Variants in ALOX15B observed in about 807,000 individuals in gnomAD.
The protein encoded by ALOX15B is arachidonate 15-lipoxygenase type B, also known as polyunsaturated fatty acid lipoxygenase ALOX15B.
In ALOX15B, 74 loss-of-function variants were observed where a neutral mutation model predicts 73.8. That is an observed-to-expected ratio of 1.00 (90% CI 0.83 to 1.22). The LOEUF (loss-of-function observed/expected upper bound fraction) is 1.22, where lower values mean the gene tolerates loss of function less well. ALOX15B is among the 50% of genes most tolerant of loss of function. The pLI is 0.00. For synonymous variants in ALOX15B, 353 were observed against 357.2 expected (o/e 0.99, Z 0.13); for missense variants, 896 against 859.9 (o/e 1.04, Z -0.52).
In ALOX15B at chr17:8,045,442, G is replaced by A. The variant is rs369032643; in HGVS notation, c.997-41G>A. 2.0e-4 allele frequency: 315 copies of A among 1,613,748 alleles called. 2 individuals are homozygous for A. The highest frequency in any genetic ancestry group is 8.9e-4 in the South Asian group (81 of 91,072). ...AGAAGAGTCAGGAGAATGGTTGGAA[G>A]ACACTCATGGCTGCCTCTCTCCCCA... On this transcript the variant is annotated intron_variant, in intron 7 of 13. Transcript: ENST00000380183.
chr17:8,048,011 A>G, intron 13 of ALOX15B, 96 bp downstream of exon 13: 1 of 1,418,838 alleles, frequency 7.0e-7, no homozygotes, highest in Non-Finnish European at 9.5e-7. Flanking sequence ...GCCATCAGGT[A>G]GCGGGTCCCT....
At chr17:8,042,253 T>C (rs1273428975) in intron 3 of ALOX15B, 116 bp from the exon 4 acceptor site, 3 of 1,335,820 alleles carry the variant, frequency 2.2e-6, no homozygotes, top group Admixed American at 4.9e-5. Context: ...GAGGGCCCTC[T>C]TGGCTGAAGG....
rs1976563424 is a variant in ALOX15B at position 8,044,903 on chromosome 17, ATCC to A, written c.752_754del (p.Ile251_Arg252delinsSer). On this transcript the variant is annotated inframe_deletion, in exon 6 of 14. Transcript: ENST00000380183. ...CCTGAATGGTCTCAACCCTGTCCTG[ATCC>A]GCCGCTGTCACTACCTCCCAAAGAA... is the stretch of plus-strand genomic sequence containing the variant. 1 of 1,613,450 alleles carries A rather than the reference ATCC, an allele frequency of 6.2e-7. No homozygotes were observed. The highest frequency in any genetic ancestry group is 8.5e-7 in the Non-Finnish European group (1 of 1,179,786).
rs746905991 is a variant in ALOX15B, at chr17:8,040,014, G to T, written c.449+31G>T. The T allele has an allele frequency of 2.5e-6, 4 of 1,601,896 alleles. No individual in the cohort carries two copies. The Admixed American group carries it at 6.8e-5, about 27-fold the overall frequency. On this transcript the variant is annotated intron_variant, in intron 3 of 13. Transcript: ENST00000380183. ...GAGGGGGTTACTGATGGGGGAGGGT[G>T]TGCCCAAACGATGAGGGGCAGCTTG... is the stretch of plus-strand genomic sequence containing the variant.
Position 8,045,463 on chromosome 17 carries a change from C to A in ALOX15B, c.997-20C>A, listed in dbSNP as rs751664484. 1 of 1,613,956 alleles carries A rather than the reference C, an allele frequency of 6.2e-7. No homozygotes were observed. Among genetic ancestry groups the A allele is most frequent in the East Asian group, 2.2e-5 (1 of 44,880 alleles). ...GGAAGACACTCATGGCTGCCTCTCT[C>A]CCCACCTGCCTCCCCCCAGCTCAGC... On this transcript the variant is annotated intron_variant, in intron 7 of 13. Transcript: ENST00000380183.
At position 8,040,096 on chromosome 17, in the gene ALOX15B, C is replaced by T. The variant is rs571347618; in HGVS notation, c.449+113C>T. The T allele has an allele frequency of 1.6e-5, 16 of 1,022,750 alleles. No homozygotes were observed. The African/African-American group carries it at 2.1e-4, about 13-fold the overall frequency. The allele number at this position is 1,022,750 out of a possible 1,614,324, so 63.4% of individuals were successfully genotyped here. A position where few individuals can be genotyped will look rare whatever the true frequency, so the allele number is the denominator to read the frequency against. On this transcript the variant is annotated intron_variant, in intron 3 of 13. Coordinates refer to ENST00000380183, the MANE Select transcript of ALOX15B (RefSeq NM_001141.3). ...CCTGCCTCCACCTCTCCTATCAAAG[C>T]TGCTCCTGGGATCAGCAGCGTCTAC...
At chr17:8,041,119 A>G in intron 3 of ALOX15B, among the ~76,000 whole-genome samples, 1 of 152,128 alleles carries the variant, frequency 6.6e-6, no homozygotes, top group East Asian at 1.9e-4. Flanking sequence ...CATTGCACCA[A>G]ATCTGGCAGC....
In ALOX15B at chr17:8,046,676, C is replaced by T. The variant is rs1405612665; in HGVS notation, c.1209C>T (p.Ile403=). The T allele has an allele frequency of 6.2e-6, 10 of 1,613,626 alleles. No homozygotes were observed. The Admixed American group carries it at 1.5e-4, about 24-fold the overall frequency. The part of the protein sequence containing the change: ...PHCHPLFKLL[I]PHTRYTLHIN... ...ATTTTCCTGCCATGCAGCTGCTGAT[C>T]CCGCACACCCGATACACCCTGCACA... Residue 403 remains isoleucine, a synonymous_variant, in exon 9 of 14, where the codon ATC becomes ATT. Transcript: ENST00000380183.
At chr17:8,046,220 C>T (rs966056018) in intron 8 of ALOX15B, among the ~76,000 whole-genome samples, 2 of 152,198 alleles carry the variant, frequency 1.3e-5, no homozygotes, top group Non-Finnish European at 2.9e-5. Context: ...GTCCCAGATG[C>T]GGGCCCTACT....
chr17:8,039,314 G>A lies in ALOX15B; in HGVS notation c.147+12G>A, dbSNP rs753167346. 1 of 1,586,934 alleles carries A rather than the reference G, an allele frequency of 6.3e-7. No individual in the cohort carries two copies. The highest frequency in any genetic ancestry group is 8.6e-7 in the Non-Finnish European group (1 of 1,164,434). Reference sequence around the variant, plus strand: ...TCACTGCGGGCGCTGTGAGTGCGTGGGAGTGGATGGGGTGGAGGTGAAGGG... The same window carrying A: ...TCACTGCGGGCGCTGTGAGTGCGTGAGAGTGGATGGGGTGGAGGTGAAGGG... On this transcript the variant is annotated intron_variant, in intron 1 of 13. Coordinates refer to ENST00000380183, the MANE Select transcript of ALOX15B (RefSeq NM_001141.3).
chr17:8,047,939 G>T (rs1317926458), intron 13 of ALOX15B, 24 bp downstream of exon 13: 1 of 1,611,670 alleles, frequency 6.2e-7, no homozygotes. Context: ...TGGGGGCCAG[G>T]CTGGGCCAAA....
At chr17:8,042,297 G>T in intron 3 of ALOX15B, 72 bp from the exon 4 acceptor site, 1 of 1,573,390 alleles carries the variant, frequency 6.4e-7, no homozygotes, top group African/African-American at 1.3e-5. Flanking sequence ...CAAGGGGACT[G>T]CCACTCCATC....
intron 5 of ALOX15B, 54 bp downstream of exon 5, chr17:8,042,938 T>C (rs1266449373): frequency 7.0e-7 from 1 of 1,427,514 alleles, no homozygotes; most frequent in Non-Finnish European, 9.7e-7. Context: ...TCAGCTCCTG[T>C]GGCTGCCCAG....
At position 8,044,756 on chromosome 17, in the gene ALOX15B, G is replaced by A. The variant is rs1295288795; in HGVS notation, c.677-73G>A. 1.4e-5 allele frequency: 6 copies of A among 419,254 alleles called. 1 individual carries two copies. The highest frequency in any genetic ancestry group is 7.9e-4 in the Middle Eastern group (1 of 1,260). 26.0% of individuals were successfully genotyped at this position (419,254 alleles called of 1,614,324 possible). On this transcript the variant is annotated intron_variant, in intron 5 of 13. Coordinates refer to ENST00000380183, the MANE Select transcript of ALOX15B (RefSeq NM_001141.3). The stretch of plus-strand genomic sequence containing the variant: ...GGCCTGTGGGAGCTGGGGTAACCCC[G>A]TCCCCGTGTCCCCCACCCCCTGCAA...
In ALOX15B at chr17:8,047,390, C is replaced by T. The variant is rs1233234331; in HGVS notation, c.1579+11C>T. 1 of 1,613,462 alleles carries T rather than the reference C, an allele frequency of 6.2e-7. No homozygotes were observed. Among genetic ancestry groups the T allele is most frequent in the African/African-American group, 1.3e-5 (1 of 74,972 alleles). ...ACCAGGAGAGCTCAGGTACAGGGAC[C>T]TCAGCCCTCAGGCGCATTTGAGTGA... On this transcript the variant is annotated intron_variant, in intron 11 of 13. Transcript: ENST00000380183.
At position 8,047,888 on chromosome 17, in the gene ALOX15B, G is replaced by T; in HGVS notation, c.1824G>T (p.Trp608Cys). The T allele has an allele frequency of 1.2e-6, 2 of 1,614,134 alleles. No homozygotes were observed. Among genetic ancestry groups the T allele is most frequent in the Non-Finnish European group, 1.7e-6 (2 of 1,180,004 alleles). The change falls in exon 13 of 14, where the codon TGG becomes TGT. Residue 608 changes from tryptophan (W) to cysteine (C), a missense_variant. Coordinates refer to ENST00000380183, the MANE Select transcript of ALOX15B (RefSeq NM_001141.3). ...CATGTGATGTCATCCTTGCTCTCTG[G>T]TTGCTGAGCAAGGAGCCTGGAGACC... The part of the protein sequence containing the change: ...NATCDVILAL[W>C]LLSKEPGDQR...
Position 8,039,061 on chromosome 17 carries a change from T to G in ALOX15B, c.-95T>G. The G allele has an allele frequency of 1.3e-6, 2 of 1,491,368 alleles. No individual in the cohort carries two copies. The highest frequency in any genetic ancestry group is 1.3e-5 in the South Asian group (1 of 76,192). 92.4% of individuals were successfully genotyped at this position (1,491,368 alleles called of 1,614,324 possible). On this transcript the variant is annotated 5_prime_UTR_variant, in exon 1 of 14. Coordinates refer to ENST00000380183, the MANE Select transcript of ALOX15B (RefSeq NM_001141.3). ...AGGAGTCCACTGGGCTTGGAGTCAG[T>G]GGCAATAACCAGGGGCAATAACCAG... is the stretch of plus-strand genomic sequence containing the variant.
Position 8,047,020 on chromosome 17 carries a change from C to T in ALOX15B, c.1401C>T (p.Asp467=), listed in dbSNP as rs777100468. ...PEDIRTRGVE[D]IPGYYYRDDG... Reference sequence around the variant, plus strand: ...ATATCCGGACCCGAGGAGTTGAAGACATCCCAGGCTACTACTACCGTGATG... The same window carrying T: ...ATATCCGGACCCGAGGAGTTGAAGATATCCCAGGCTACTACTACCGTGATG... Residue 467 remains aspartate, a synonymous_variant, in exon 10 of 14, where the codon GAC becomes GAT. Transcript: ENST00000380183. 1 of 1,614,090 alleles carries T rather than the reference C, an allele frequency of 6.2e-7. No homozygotes were observed. Among genetic ancestry groups the T allele is most frequent in the Non-Finnish European group, 8.5e-7 (1 of 1,180,010 alleles).
intron 5 of ALOX15B, among the ~76,000 whole-genome samples, chr17:8,043,595 T>C (rs1976518749): frequency 6.6e-6 from 1 of 152,144 alleles, no homozygotes; most frequent in Admixed American, 6.5e-5. Context: ...ATGTGGTCAC[T>C]GTGCACTGCT....
Sources: gnomAD v4.1 joint callset for allele counts (sites outside exome capture counted in the v4.1 genomes callset) on GRCh38, gnomAD v4.1.1 for gene constraint, MANE v1.5 for transcripts, NCBI Gene and HGNC (gene_info 2026-07-23, HGNC 2026-07-21) for gene names.